The following CERKL variants were observed in gnomAD, a reference collection of about 807,000 sequenced individuals.
The protein encoded by CERKL is CERK like autophagy regulator, also known as ceramide kinase-like protein.
A neutral mutation model predicts 63.4 loss-of-function variants in CERKL; 61 were observed. That is an observed-to-expected ratio of 0.96 (90% CI 0.78 to 1.19). The LOEUF (loss-of-function observed/expected upper bound fraction) is 1.19. CERKL is among the 50% of genes most tolerant of loss of function. The pLI is 0.00. For synonymous variants in CERKL, 250 were observed against 230.5 expected, an observed-to-expected ratio of 1.08 and a Z score of -0.77; for missense variants, 675 against 655.5, an observed-to-expected ratio of 1.03 and a Z score of -0.33.
Position 181,547,615 on chromosome 2 carries a change from A to C in CERKL, c.1268+3T>G. 1 of 1,611,588 alleles carries C rather than the reference A, an allele frequency of 6.2e-7. No homozygotes were observed. The highest frequency in any genetic ancestry group is 8.5e-7 in the Non-Finnish European group (1 of 1,177,770). The stretch of plus-strand genomic sequence containing the variant: ...CAACAATTCAATAAAAATGCTTACT[A>C]ACCTGGTATTAGGTGCCAAGCCTCT... On this transcript the variant is annotated splice_donor_region_variant and intron_variant, in intron 10 of 12. Coordinates refer to ENST00000410087, the MANE Select transcript of CERKL (RefSeq NM_201548.5).
At chr2:181,585,268 T>C (rs1684712229) in intron 2 of CERKL, among the ~76,000 whole-genome samples, 1 of 152,180 alleles carries the variant, frequency 6.6e-6, no homozygotes, top group African/African-American at 2.4e-5. Context: ...GTTCCTAGAA[T>C]AGTGTCTGGC....
chr2:181,598,363 T>C (rs558500164), intron 2 of CERKL, among the ~76,000 whole-genome samples: 1 of 152,020 alleles, frequency 6.6e-6, no homozygotes, highest in South Asian at 2.1e-4. Flanking sequence ...AAGGAAAAAA[T>C]CTTTATGAAC....
chr2:181,581,931 G>A (rs563618290), intron 2 of CERKL, among the ~76,000 whole-genome samples: 5 of 152,254 alleles, frequency 3.3e-5, no homozygotes, highest in Admixed American at 2.6e-4. Context: ...CAGTGATGCT[G>A]ACTAACATCT....
chr2:181,573,851 A>G lies in CERKL; in HGVS notation c.515T>C (p.Leu172Pro). The stretch of plus-strand genomic sequence containing the variant: ...TTTTTTGTGACTTTGGGGGTTAAGG[A>G]GTATTTTTAATGACTTCGGTCTGTT... ...FPNRPKSLKI[L>P]LNPQSHKKEA... is the part of the protein sequence containing the mutation. Residue 172 changes from leucine (L) to proline (P), a missense_variant, in exon 3 of 13, where the codon CTC (leucine) becomes CCC (proline). By Grantham distance (98) the Leu-to-Pro change is moderately conservative. Coordinates refer to ENST00000410087, the MANE Select transcript of CERKL (RefSeq NM_201548.5). The G allele has an allele frequency of 6.2e-7, 1 of 1,612,926 alleles. No individual in the cohort carries two copies. The highest frequency in any genetic ancestry group is 1.1e-5 in the South Asian group (1 of 90,924).
chr2:181,545,892 T>A (rs1687706377), intron 10 of CERKL, among the ~76,000 whole-genome samples: 1 of 152,214 alleles, frequency 6.6e-6, no homozygotes, highest in Non-Finnish European at 1.5e-5. Context: ...GCTTTAAATG[T>A]CTCACATATA....
At chr2:181,571,420 A>G (rs1042111009) in intron 3 of CERKL, among the ~76,000 whole-genome samples, 3 of 152,196 alleles carry the variant, frequency 2.0e-5, no homozygotes, top group African/African-American at 7.2e-5. Context: ...CTCCAATACA[A>G]TTAAGAAGGA....
intron 1 of CERKL, among the ~76,000 whole-genome samples, chr2:181,654,605 TCCC>T (rs1688076473): frequency 6.6e-6 from 1 of 152,112 alleles, no homozygotes; most frequent in African/African-American, 2.4e-5. Flanking sequence ...GGACATGCTC[TCCC>T]CCCACCACAT....
intron 2 of CERKL, among the ~76,000 whole-genome samples, chr2:181,591,046 C>A (rs1024647281): frequency 1.3e-5 from 2 of 152,054 alleles, no homozygotes; most frequent in African/African-American, 4.8e-5. Context: ...ACAGACAACA[C>A]AATGAAGTCT....
At chr2:181,566,289 T>C (rs1287760720) in intron 3 of CERKL, among the ~76,000 whole-genome samples, 168 bp from the exon 4 acceptor site, 1 of 152,208 alleles carries the variant, frequency 6.6e-6, no homozygotes, top group East Asian at 1.9e-4. Context: ...TAAGTGTTAC[T>C]GGCCTGATGT....
At chr2:181,539,820 T>C (rs958602503) in intron 11 of CERKL, among the ~76,000 whole-genome samples, 1 of 152,234 alleles carries the variant, frequency 6.6e-6, no homozygotes, top group Non-Finnish European at 1.5e-5. Flanking sequence ...CACTGTTTAC[T>C]TACCACTATA....
intron 4 of CERKL, among the ~76,000 whole-genome samples, chr2:181,563,908 T>C (rs12162374): frequency 0.4 from 60,220 of 151,758 alleles, 12,726 homozygotes; most frequent in African/African-American, 0.53. Flanking sequence ...ATAAATAAGC[T>C]ATTTAAAGTG....
chr2:181,556,913 C>A (rs531431148), intron 5 of CERKL, among the ~76,000 whole-genome samples: 2 of 152,238 alleles, frequency 1.3e-5, no homozygotes, highest in Non-Finnish European at 2.9e-5. Flanking sequence ...CTGTTGTTTC[C>A]TGACTTTTTA....
intron 4 of CERKL, chr2:181,565,503 G>T: frequency 6.2e-7 from 1 of 1,607,226 alleles, no homozygotes; most frequent in Non-Finnish European, 8.5e-7. Context: ...AATGGTTTCC[G>T]ATGCCCACTG....
At chr2:181,637,769 T>C (rs1687244660) in intron 1 of CERKL, among the ~76,000 whole-genome samples, 2 of 152,076 alleles carry the variant, frequency 1.3e-5, no homozygotes, top group Admixed American at 6.6e-5. Flanking sequence ...AAAAAAGAAA[T>C]GCCTAAACAT....
chr2:181,632,066 T>C (rs1559115380), intron 1 of CERKL, among the ~76,000 whole-genome samples: 1 of 152,232 alleles, frequency 6.6e-6, no homozygotes. Context: ...TACATCAGTA[T>C]TTTAAAAGTG....
At chr2:181,578,219 T>C (rs1204479231) in intron 2 of CERKL, among the ~76,000 whole-genome samples, 1 of 150,846 alleles carries the variant, frequency 6.6e-6, no homozygotes, top group African/African-American at 2.5e-5. Flanking sequence ...CACACATATA[T>C]ATACACACAC....
At chr2:181,604,190 A>T (rs1287115575) in intron 1 of CERKL, 111 bp from the exon 2 acceptor site, 1 of 822,030 alleles carries the variant, frequency 1.2e-6, no homozygotes, top group Non-Finnish European at 1.9e-6. Flanking sequence ...AGGATCAAGA[A>T]AAATAACTAA....
intron 1 of CERKL, among the ~76,000 whole-genome samples, chr2:181,640,513 T>C (rs1687373178): frequency 6.6e-6 from 1 of 152,200 alleles, no homozygotes; most frequent in Non-Finnish European, 1.5e-5. Context: ...AGTGGCAGGC[T>C]AGGTGGGATA....
chr2:181,642,468 T>G (rs1687485081), intron 1 of CERKL, among the ~76,000 whole-genome samples: 1 of 152,040 alleles, frequency 6.6e-6, no homozygotes, highest in Non-Finnish European at 1.5e-5. Context: ...TCTTTTAAAC[T>G]GCTAAGTGTC....
Sources: allele counts gnomAD v4.1 joint callset (sites outside exome capture counted in the v4.1 genomes callset), GRCh38; gene constraint gnomAD v4.1.1; transcripts MANE v1.5; gene names NCBI Gene and HGNC (gene_info 2026-07-23, HGNC 2026-07-21).